TRPS1: variants seen among roughly 807,000 people sequenced by gnomAD.
TRPS1 encodes zinc finger transcription factor Trps1.
A neutral mutation model predicts 101.2 loss-of-function variants in TRPS1; 6 were observed. The ratio of observed to expected loss-of-function variants is 0.06; its 90% CI spans 0.03 to 0.12. TRPS1 has a LOEUF of 0.12. Among genes scored for constraint, TRPS1 ranks in the 10% least tolerant of loss-of-function variants. The pLI is 1.00. For missense variants in TRPS1, 1,363 were observed against 1,567.0 expected (o/e 0.87, Z 2.20); for synonymous variants, 578 against 589.8 (o/e 0.98, Z 0.29).
At chr8:115,550,562 T>C (rs1816679781) in intron 5 of TRPS1, among the ~76,000 whole-genome samples, 1 of 152,236 alleles carries the variant, frequency 6.6e-6, no homozygotes, top group Admixed American at 6.5e-5. Flanking sequence ...GTCATTACTA[T>C]AAATTGGAGT....
At chr8:115,566,714 T>G (rs1457385363) in intron 5 of TRPS1, among the ~76,000 whole-genome samples, 1 of 152,156 alleles carries the variant, frequency 6.6e-6, no homozygotes, top group Non-Finnish European at 1.5e-5. Context: ...CTGTAAAAAT[T>G]TAAGACAGCT....
chr8:115,456,383 T>C (rs1814026197), intron 5 of TRPS1, among the ~76,000 whole-genome samples: 1 of 152,276 alleles, frequency 6.6e-6, no homozygotes, highest in African/African-American at 2.4e-5. Context: ...AGATTTGACA[T>C]TGCTTTTTTT....
intron 1 of TRPS1, among the ~76,000 whole-genome samples, chr8:115,642,696 A>C (rs1029842184): frequency 6.6e-6 from 1 of 151,994 alleles, no homozygotes; most frequent in African/African-American, 2.4e-5. Context: ...CCTAGAAAAT[A>C]TGAATGACTG....
intron 1 of TRPS1, among the ~76,000 whole-genome samples, chr8:115,633,543 G>A (rs1048846044): frequency 2.0e-5 from 3 of 152,108 alleles, no homozygotes; most frequent in East Asian, 3.9e-4. Flanking sequence ...ACTGGCTCAC[G>A]TAATTTCCCC....
intron 5 of TRPS1, among the ~76,000 whole-genome samples, chr8:115,561,499 A>G (rs1816945080): frequency 6.6e-6 from 1 of 151,642 alleles, no homozygotes; most frequent in Admixed American, 6.6e-5. Context: ...TTAGTTTGGA[A>G]CTCCAGTAGC....
intron 5 of TRPS1, among the ~76,000 whole-genome samples, chr8:115,514,266 C>A (rs1265870752): frequency 6.6e-6 from 1 of 151,604 alleles, no homozygotes; most frequent in Non-Finnish European, 1.5e-5. Context: ...AGCCTATAAG[C>A]TTATGCCCCA....
At chr8:115,427,762 A>G (rs1232532116) in intron 5 of TRPS1, among the ~76,000 whole-genome samples, 1 of 148,790 alleles carries the variant, frequency 6.7e-6, no homozygotes, top group African/African-American at 2.5e-5. Context: ...GTCATCCTTC[A>G]TCAGATATGG....
chr8:115,431,129 G>A (rs1016253354), intron 5 of TRPS1, among the ~76,000 whole-genome samples: 3 of 152,000 alleles, frequency 2.0e-5, no homozygotes, highest in African/African-American at 4.8e-5. Flanking sequence ...ACATAATGAT[G>A]TATGTGAGAC....
Position 115,485,560 on chromosome 8 carries a change from G to A in TRPS1, c.2701-67108C>T, listed in dbSNP as rs371363626. 3.9e-5 allele frequency among the ~76,000 whole-genome samples: 6 copies of A among 152,226 alleles called. No individual in the cohort carries two copies. In the East Asian group the frequency reaches 5.8e-4, roughly 15 times the overall value. On this transcript the variant is annotated intron_variant, in intron 5 of 6. Transcript: ENST00000395715. ...TTACAGTGTACCCCATGCTTGCTGA[G>A]TCATACCATATCCAAACAATGTAGT...
chr8:115,633,041 T>C (rs547670735), intron 1 of TRPS1, among the ~76,000 whole-genome samples: 2 of 152,134 alleles, frequency 1.3e-5, no homozygotes, highest in South Asian at 2.1e-4. Context: ...CATGGAGTAA[T>C]ATAATGAAGA....
At chr8:115,662,835 T>C (rs1363843358) in intron 1 of TRPS1, among the ~76,000 whole-genome samples, 1 of 152,080 alleles carries the variant, frequency 6.6e-6, no homozygotes, top group African/African-American at 2.4e-5. Context: ...AAATGCATTT[T>C]CGTAAAGTTT....
intron 5 of TRPS1, among the ~76,000 whole-genome samples, chr8:115,584,507 A>G (rs1222336001): frequency 6.6e-6 from 1 of 151,882 alleles, no homozygotes; most frequent in Non-Finnish European, 1.5e-5. Flanking sequence ...TTATATCTGT[A>G]TATTTCTATG....
chr8:115,628,822 C>T (rs1403243634), intron 1 of TRPS1, among the ~76,000 whole-genome samples: 1 of 151,686 alleles, frequency 6.6e-6, no homozygotes, highest in Non-Finnish European at 1.5e-5. Context: ...TAGACTCTTC[C>T]CATAATATTA....
intron 5 of TRPS1, among the ~76,000 whole-genome samples, chr8:115,473,036 CTG>C (rs1661234326): frequency 6.6e-6 from 1 of 152,196 alleles, no homozygotes. Flanking sequence ...GCCTTCCAAA[CTG>C]TTCCAACCTC....
intron 5 of TRPS1, among the ~76,000 whole-genome samples, chr8:115,526,451 GTAT>G (rs530976009): frequency 6.6e-6 from 1 of 152,070 alleles, no homozygotes; most frequent in Admixed American, 6.6e-5. Context: ...TTAAAAAACA[GTAT>G]TATTATTATC....
intron 5 of TRPS1, among the ~76,000 whole-genome samples, chr8:115,515,536 C>T (rs890710799): frequency 1.3e-5 from 2 of 150,832 alleles, no homozygotes; most frequent in African/African-American, 4.9e-5. Flanking sequence ...CACTAATAAA[C>T]TTATACTTTC....
At chr8:115,575,084 G>A (rs953623265) in intron 5 of TRPS1, among the ~76,000 whole-genome samples, 2 of 152,210 alleles carry the variant, frequency 1.3e-5, no homozygotes, top group African/African-American at 4.8e-5. Flanking sequence ...TGGTCCCATA[G>A]AGGAGCCTGA....
chr8:115,520,773 T>C (rs1006156167), intron 5 of TRPS1, among the ~76,000 whole-genome samples: 1 of 151,806 alleles, frequency 6.6e-6, no homozygotes, highest in Non-Finnish European at 1.5e-5. Context: ...CCAAAAGAAA[T>C]GATAACCTCA....
chr8:115,573,191 T>C (rs1817245048), intron 5 of TRPS1, among the ~76,000 whole-genome samples: 1 of 152,146 alleles, frequency 6.6e-6, no homozygotes, highest in South Asian at 2.1e-4. Context: ...TACTTGGACA[T>C]GATCCAGTTT....
Sources: allele counts gnomAD v4.1 joint callset (sites outside exome capture counted in the v4.1 genomes callset), GRCh38; gene constraint gnomAD v4.1.1; transcripts MANE v1.5; gene names NCBI Gene and HGNC (gene_info 2026-07-23, HGNC 2026-07-21).